ODR4: variants seen among roughly 807,000 people sequenced by gnomAD.
The protein encoded by ODR4 is odr-4 GPCR localization factor homolog.
Under a neutral mutation model 60.2 loss-of-function variants are expected in ODR4, and 47 were observed. That is an observed-to-expected ratio of 0.78 (90% CI 0.62 to 1.00). The LOEUF (loss-of-function observed/expected upper bound fraction) is 1.00. ODR4 is among the 50% of genes least tolerant of loss of function. The pLI, the probability that ODR4 is intolerant of heterozygous loss-of-function variation, is 0.00. For synonymous variants in ODR4, 178 were observed against 175.5 expected (o/e 1.01, Z -0.11); for missense variants, 488 against 530.8 (o/e 0.92, Z 0.79).
At chr1:186,401,169 T>G (rs1261503906) in intron 11 of ODR4, 1 of 1,590,428 alleles carries the variant, frequency 6.3e-7, no homozygotes, top group African/African-American at 1.3e-5. Flanking sequence ...TTTCATATTG[T>G]TAGTACTTTG....
At chr1:186,394,070 T>C (rs1342476265) in intron 9 of ODR4, 55 bp downstream of exon 9, 1 of 1,002,832 alleles carries the variant, frequency 1.0e-6, no homozygotes, top group Admixed American at 2.8e-5. Context: ...ATAATGAAAC[T>C]GTTTCTGTTT....
At chr1:186,399,990 CTTTTTTT>C (rs948511178) in intron 11 of ODR4, among the ~76,000 whole-genome samples, 13 of 112,044 alleles carry the variant, frequency 1.2e-4, no homozygotes, top group Non-Finnish European at 2.4e-4. Flanking sequence ...TTTTTTTTTT[CTTTTTTT>C]TTTTTTTTTT....
rs1558057831 is a variant in ODR4 at position 186,381,332 on chromosome 1, C to CTTCTTTTTTTTTTTTTTTTT, written c.99+1450_99+1451insCTTTTTTTTTTTTTTTTTTT. On this transcript the variant is annotated intron_variant, in intron 2 of 13. Transcript: ENST00000287859. ...TGTCTCATAATTTAAGGCCTTCCTT[C>CTTCTTTTTTTTTTTTTTTTT]TTTTTTTTTTTTTTGAGACGGAGTC... 1.1e-4 allele frequency among the ~76,000 whole-genome samples: 16 copies of CTTCTTTTTTTTTTTTTTTTT among 144,620 alleles called. 1 individual carries two copies. Among genetic ancestry groups the CTTCTTTTTTTTTTTTTTTTT allele is most frequent in the African/African-American group, 3.8e-4 (15 of 39,658 alleles). 94.9% of individuals were successfully genotyped at this position (144,620 alleles called of 152,430 possible).
intron 12 of ODR4, among the ~76,000 whole-genome samples, chr1:186,408,229 T>C (rs552588517): frequency 1.3e-5 from 2 of 151,458 alleles, no homozygotes; most frequent in East Asian, 3.9e-4. Flanking sequence ...GAATTTAAAC[T>C]TAGGCAGTTT....
chr1:186,424,096 G>A (rs536792053), downstream of ODR4, among the ~76,000 whole-genome samples: 87 of 152,230 alleles, frequency 5.7e-4, no homozygotes, highest in Non-Finnish European at 6.2e-4. Context: ...TCTTGGATAT[G>A]TGTACCTCAA....
the ODR4 span, among the ~76,000 whole-genome samples, chr1:186,431,433 G>A: frequency 1.6e-4 from 24 of 152,042 alleles, no homozygotes; most frequent in Admixed American, 1.4e-3. Flanking sequence ...AAAATGAAGA[G>A]CAATATTTGG....
chr1:186,420,772 A>C lies in ODR4; in HGVS notation c.*1696A>C, dbSNP rs1661745310. On this transcript the variant is annotated 3_prime_UTR_variant, in exon 14 of 14. Coordinates refer to ENST00000287859, the MANE Select transcript of ODR4 (RefSeq NM_017847.6). ...TGGAAAGTTAAGAGAGTTCGAGGGAAGAATTATAAAGACTAGGAGTCCTAG... is the reference window on the plus strand; with the variant it reads ...TGGAAAGTTAAGAGAGTTCGAGGGACGAATTATAAAGACTAGGAGTCCTAG... The C allele has an allele frequency of 1.3e-5, 2 of 152,168 alleles. No individual in the cohort carries two copies. The allele number at this position is 152,168 out of a possible 1,614,324, so 9.4% of individuals were successfully genotyped here.
At position 186,420,428 on chromosome 1, in the gene ODR4, T is replaced by G. The variant is rs549077025; in HGVS notation, c.*1352T>G. 5 of 152,320 alleles carry G rather than the reference T, an allele frequency of 3.3e-5. No individual in the cohort carries two copies. In the South Asian group the frequency reaches 6.2e-4, roughly 19 times the overall value. 9.4% of individuals were successfully genotyped at this position (152,320 alleles called of 1,614,324 possible). A position where few individuals can be genotyped will look rare whatever the true frequency, so the allele number is the denominator to read the frequency against. ...TACAGATTATTATCAAGTAGTAGTA[T>G]TTTATGACTAGAGATCACAGGCACA... On this transcript the variant is annotated 3_prime_UTR_variant, in exon 14 of 14. Coordinates refer to ENST00000287859, the MANE Select transcript of ODR4 (RefSeq NM_017847.6).
At chr1:186,408,206 A>G (rs1196217144) in intron 12 of ODR4, among the ~76,000 whole-genome samples, 2 of 152,238 alleles carry the variant, frequency 1.3e-5, no homozygotes, top group Admixed American at 1.3e-4. Flanking sequence ...CATTGCTCGT[A>G]ATGGTGGAGC....
At chr1:186,429,977 G>C in the ODR4 span, among the ~76,000 whole-genome samples, 1 of 151,990 alleles carries the variant, frequency 6.6e-6, no homozygotes, top group Non-Finnish European at 1.5e-5. Flanking sequence ...TAAGAACAAA[G>C]GATGAAAGTA....
intron 11 of ODR4, chr1:186,400,624 A>C (rs1014532545): frequency 6.1e-6 from 1 of 165,194 alleles, no homozygotes; most frequent in African/African-American, 2.4e-5. Context: ...ATAGGAAAAA[A>C]AGCATAGCTC....
downstream of ODR4, among the ~76,000 whole-genome samples, chr1:186,421,861 C>CAA (rs781496268): frequency 8.5e-4 from 25 of 29,246 alleles, no homozygotes; most frequent in Non-Finnish European, 9.1e-4. Flanking sequence ...GACTCTATCT[C>CAA]AAAAAAAAAA....
Position 186,402,302 on chromosome 1 carries a change from T to C in ODR4, c.1000+3258T>C, listed in dbSNP as rs537394252. Among the ~76,000 whole-genome samples the C allele has an allele frequency of 2.0e-5, 3 of 150,320 alleles. No homozygotes were observed. In the East Asian group the frequency reaches 5.9e-4, roughly 29 times the overall value. ...TTCTTCCTTTGTTTCTTTCCTTCTC[T>C]CCTCTCCTCTTTTCTCCTCTCCTCT... On this transcript the variant is annotated intron_variant, in intron 11 of 13. Transcript: ENST00000287859.
intron 11 of ODR4, among the ~76,000 whole-genome samples, chr1:186,402,076 T>C (rs887267849): frequency 1.3e-5 from 2 of 151,976 alleles, no homozygotes; most frequent in African/African-American, 4.8e-5. Flanking sequence ...TCTTCTTTTC[T>C]CTCTCTCTCT....
chr1:186,398,264 T>C (rs1660775567), intron 9 of ODR4, 49 bp from the exon 10 acceptor site: 10 of 1,486,252 alleles, frequency 6.7e-6, no homozygotes, highest in East Asian at 2.4e-5. Flanking sequence ...ATATTTCCTG[T>C]AGTTAATCAT....
At chr1:186,408,268 A>G (rs1332747986) in intron 12 of ODR4, among the ~76,000 whole-genome samples, 1 of 152,068 alleles carries the variant, frequency 6.6e-6, no homozygotes, top group African/African-American at 2.4e-5. Context: ...TCTTTTCTAA[A>G]AATTTTATTT....
Position 186,383,016 on chromosome 1 carries a change from T to C in ODR4, c.100-6T>C. ...CTCTAACAAGCTTTTTAATTTGTTG[T>C]TGAAGTGTTCGTCACAAAAGGATTA... On this transcript the variant is annotated splice_region_variant and splice_polypyrimidine_tract_variant and intron_variant, in intron 2 of 13. Coordinates refer to ENST00000287859, the MANE Select transcript of ODR4 (RefSeq NM_017847.6). 6.3e-7 allele frequency: 1 copy of C among 1,580,266 alleles called. No homozygotes were observed. The highest frequency in any genetic ancestry group is 8.6e-7 in the Non-Finnish European group (1 of 1,162,562).
the ODR4 span, among the ~76,000 whole-genome samples, chr1:186,433,144 T>G: frequency 7.2e-5 from 11 of 152,112 alleles, no homozygotes; most frequent in Admixed American, 6.5e-4. Context: ...TCTATAAAAT[T>G]TATATTAATT....
Position 186,420,635 on chromosome 1 carries a change from A to T in ODR4, c.*1559A>T, listed in dbSNP as rs529839505. 1 of 152,338 alleles carries T rather than the reference A, an allele frequency of 6.6e-6. No homozygotes were observed. Among genetic ancestry groups the T allele is most frequent in the African/African-American group, 2.4e-5 (1 of 41,576 alleles). The allele number at this position is 152,338 out of a possible 1,614,324, so 9.4% of individuals were successfully genotyped here. On this transcript the variant is annotated 3_prime_UTR_variant, in exon 14 of 14. Transcript: ENST00000287859. The stretch of plus-strand genomic sequence containing the variant: ...TGAAATAAGAAAAAAGCCCTCAGAC[A>T]TGTTGAATATTTTATTAGACTCAGC...
Sources: allele counts gnomAD v4.1 joint callset (sites outside exome capture counted in the v4.1 genomes callset), GRCh38; gene constraint gnomAD v4.1.1; transcripts MANE v1.5; gene names NCBI Gene and HGNC (gene_info 2026-07-23, HGNC 2026-07-21).